ESRP1: variants seen among roughly 807,000 people sequenced by gnomAD.
ESRP1 encodes RNA-binding motif protein 35A.
ESRP1 carries 33 observed loss-of-function variants against 81.7 expected under a neutral mutation model. The observed-to-expected ratio is 0.40, with a 90% CI of 0.31 to 0.54. ESRP1 has a LOEUF of 0.54. ESRP1 is among the 20% of genes least tolerant of loss of function. The pLI, the probability that ESRP1 is intolerant of heterozygous loss-of-function variation, is 0.41. For missense variants in ESRP1, 672 were observed against 833.1 expected, an observed-to-expected ratio of 0.81 and a Z score of 2.38; for synonymous variants, 320 against 303.3, an observed-to-expected ratio of 1.06 and a Z score of -0.57.
intron 15 of ESRP1, among the ~76,000 whole-genome samples, chr8:94,703,690 T>C (rs1809939981): frequency 6.6e-6 from 1 of 152,058 alleles, no homozygotes; most frequent in South Asian, 2.1e-4. Context: ...GATCCAAGGG[T>C]TTGCTCATCC....
intron 4 of ESRP1, among the ~76,000 whole-genome samples, chr8:94,655,721 T>A (rs796227877): frequency 6.6e-6 from 1 of 151,806 alleles, no homozygotes; most frequent in Non-Finnish European, 1.5e-5. Context: ...TGAAACCCTG[T>A]CTCTACAAAA....
intron 13 of ESRP1, 117 bp from the exon 14 acceptor site, chr8:94,692,560 A>C: frequency 9.3e-7 from 1 of 1,072,524 alleles, no homozygotes; most frequent in East Asian, 2.6e-5. Flanking sequence ...GACAGCTCTG[A>C]GAAGTATAAG....
At chr8:94,650,906 C>A (rs1407042205) in intron 4 of ESRP1, among the ~76,000 whole-genome samples, 2 of 152,014 alleles carry the variant, frequency 1.3e-5, no homozygotes, top group African/African-American at 2.4e-5. Context: ...GGAGTTTCAC[C>A]ATGTTAGCCA....
intron 14 of ESRP1, among the ~76,000 whole-genome samples, chr8:94,693,506 T>C (rs1437048329): frequency 6.6e-6 from 1 of 152,252 alleles, no homozygotes; most frequent in Non-Finnish European, 1.5e-5. Flanking sequence ...TCTAAGCAGA[T>C]AGCTTTCTTT....
chr8:94,704,484 C>T (rs1215895742), intron 15 of ESRP1, among the ~76,000 whole-genome samples: 1 of 151,866 alleles, frequency 6.6e-6, no homozygotes, highest in Non-Finnish European at 1.5e-5. Context: ...TAGCCTAGGG[C>T]CAGGTGTTGT....
intron 3 of ESRP1, 45 bp downstream of exon 3, chr8:94,643,461 G>T: frequency 7.6e-7 from 1 of 1,321,990 alleles, no homozygotes; most frequent in Non-Finnish European, 1.1e-6. Context: ...GAGCTTTGGG[G>T]TGACTGGAGG....
intron 4 of ESRP1, among the ~76,000 whole-genome samples, chr8:94,648,966 A>T (rs1817976639): frequency 6.6e-6 from 1 of 152,228 alleles, no homozygotes; most frequent in African/African-American, 2.4e-5. Flanking sequence ...CATGCCTGTA[A>T]TCCCAGCACT....
intron 13 of ESRP1, among the ~76,000 whole-genome samples, chr8:94,684,820 C>T (rs917503765): frequency 6.6e-6 from 1 of 151,860 alleles, no homozygotes; most frequent in Non-Finnish European, 1.5e-5. Context: ...ATTTAAGAGG[C>T]CAAGGTAGGA....
intron 4 of ESRP1, among the ~76,000 whole-genome samples, chr8:94,656,681 A>G (rs537816186): frequency 6.6e-6 from 1 of 152,342 alleles, no homozygotes; most frequent in South Asian, 2.1e-4. Flanking sequence ...GGCAGCATGA[A>G]ATTGTGTTAC....
At chr8:94,660,744 CCA>C (rs1331315716) in intron 4 of ESRP1, among the ~76,000 whole-genome samples, 1 of 62,892 alleles carries the variant, frequency 1.6e-5, no homozygotes, top group African/African-American at 5.1e-5. Context: ...AAAAAAAAAA[CCA>C]AAACAAACAA....
chr8:94,642,335 C>G (rs1817648009), intron 2 of ESRP1, among the ~76,000 whole-genome samples: 1 of 152,218 alleles, frequency 6.6e-6, no homozygotes, highest in Non-Finnish European at 1.5e-5. Context: ...TGAGTAGTTA[C>G]TGGAGCCGGA....
intron 11 of ESRP1, among the ~76,000 whole-genome samples, chr8:94,673,338 T>G (rs1268185274): frequency 6.6e-6 from 1 of 152,210 alleles, no homozygotes; most frequent in African/African-American, 2.4e-5. Context: ...TGGGAAAAGG[T>G]TCTTAGATGA....
chr8:94,705,464 G>A (rs960060928), intron 15 of ESRP1, among the ~76,000 whole-genome samples: 5 of 152,062 alleles, frequency 3.3e-5, no homozygotes, highest in Non-Finnish European at 5.9e-5. Context: ...CACCATGCCC[G>A]GCTCCTTATT....
chr8:94,647,441 A>T (rs759567667), intron 4 of ESRP1, among the ~76,000 whole-genome samples: 22 of 152,350 alleles, frequency 1.4e-4, no homozygotes, highest in Non-Finnish European at 2.8e-4. Context: ...AAAGAAATTT[A>T]CTTTCTCACA....
intron 4 of ESRP1, among the ~76,000 whole-genome samples, chr8:94,655,107 G>GT (rs1385050645): frequency 4.1e-5 from 6 of 148,004 alleles, no homozygotes; most frequent in African/African-American, 1.0e-4. Flanking sequence ...GTTTTGTTTA[G>GT]TTTTTTTTGA....
At chr8:94,649,206 A>T (rs147240035) in intron 4 of ESRP1, among the ~76,000 whole-genome samples, 4 of 152,056 alleles carry the variant, frequency 2.6e-5, no homozygotes, top group East Asian at 1.9e-4. Context: ...AGTGAGATTT[A>T]AAAAAAAATT....
chr8:94,664,881 A>G (rs1050406759), intron 7 of ESRP1, 46 bp from the exon 8 acceptor site: 9 of 1,606,626 alleles, frequency 5.6e-6, no homozygotes, highest in South Asian at 2.2e-5. Context: ...TTTTTTCCTC[A>G]CTGTATTTTT....
chr8:94,684,938 A>G (rs1309947480), intron 13 of ESRP1, among the ~76,000 whole-genome samples: 1 of 151,678 alleles, frequency 6.6e-6, no homozygotes, highest in Non-Finnish European at 1.5e-5. Context: ...CTGAGGCTAG[A>G]GGATTGCTTG....
chr8:94,657,488 T>TGTGTGC (rs1818493524), intron 4 of ESRP1, among the ~76,000 whole-genome samples: 1 of 151,516 alleles, frequency 6.6e-6, no homozygotes. Context: ...TGTGTGTGTG[T>TGTGTGC]GTGTGTGTGT....
Sources: allele counts gnomAD v4.1 joint callset (sites outside exome capture counted in the v4.1 genomes callset), GRCh38; gene constraint gnomAD v4.1.1; transcripts MANE v1.5; gene names NCBI Gene and HGNC (gene_info 2026-07-23, HGNC 2026-07-21).